The following DMTN variants were observed in gnomAD, a reference collection of about 807,000 sequenced individuals.
The protein encoded by DMTN is dematin actin binding protein.
DMTN carries 27 observed loss-of-function variants against 59.4 expected under a neutral mutation model. That is an observed-to-expected ratio of 0.45 (90% CI 0.33 to 0.63). The LOEUF (loss-of-function observed/expected upper bound fraction) is 0.63. DMTN is among the 20% of genes least tolerant of loss of function. DMTN has a pLI of 0.02. For missense variants in DMTN, 451 were observed against 528.9 expected (o/e 0.85, Z 1.45); for synonymous variants, 221 against 203.7 (o/e 1.08, Z -0.72).
At chr8:22,066,312 G>A (rs1448218480) in intron 1 of DMTN, among the ~76,000 whole-genome samples, 4 of 152,200 alleles carry the variant, frequency 2.6e-5, no homozygotes, top group African/African-American at 9.6e-5. Context: ...GGAACCCTCT[G>A]TGTTAACCCT....
intron 13 of DMTN, 27 bp downstream of exon 13, chr8:22,080,652 C>A (rs375878063): frequency 3.4e-4 from 542 of 1,597,418 alleles, no homozygotes; most frequent in Non-Finnish European, 4.4e-4. Context: ...GGGGAACAGG[C>A]AGAGCAGCAG....
chr8:22,068,998 C>A lies in DMTN; in HGVS notation c.250-18C>A, dbSNP rs112607121. 3,532 of 1,612,090 alleles carry A rather than the reference C, an allele frequency of 2.2e-3. 73 individuals carry two copies. In the African/African-American group the frequency reaches 0.043, roughly 20 times the overall value. ...AATCTGCCCCTGTAGCTCTGACCAG[C>A]CCCCTCTCCATTCACAGCGCTCGCT... is the stretch of plus-strand genomic sequence containing the variant. On this transcript the variant is annotated intron_variant, in intron 4 of 15. Coordinates refer to ENST00000358242, the MANE Select transcript of DMTN (RefSeq NM_001387751.1).
upstream of DMTN, among the ~76,000 whole-genome samples, chr8:22,051,659 C>A (rs1187029393): frequency 6.6e-6 from 1 of 152,210 alleles, no homozygotes; most frequent in African/African-American, 2.4e-5. Context: ...AGCTGCCCCT[C>A]TGAGCAACCT....
At position 22,059,279 on chromosome 8, in the gene DMTN, G is replaced by A. The variant is rs1804567356; in HGVS notation, c.-172+2143G>A. On this transcript the variant is annotated intron_variant, in intron 1 of 15. Coordinates refer to ENST00000358242, the MANE Select transcript of DMTN (RefSeq NM_001387751.1). ...GGCAGTCGCACTGTGAACAGAACAGGAGAAGGCGAAGCGGGGCAAAGTTCC... is the reference window on the plus strand; with the variant it reads ...GGCAGTCGCACTGTGAACAGAACAGAAGAAGGCGAAGCGGGGCAAAGTTCC... The A allele has an allele frequency of 2.6e-5, 4 of 152,396 alleles. No homozygotes were observed. The South Asian group carries it at 8.3e-4, about 32-fold the overall frequency. The allele number at this position is 152,396 out of a possible 1,614,324, so 9.4% of individuals were successfully genotyped here.
At chr8:22,049,062 C>A (rs1473036601), upstream of DMTN, 3 of 142,188 alleles carry the variant, frequency 2.1e-5, no homozygotes, top group East Asian at 6.0e-4. Context: ...AAACCCGAGC[C>A]CCCGGAGGGG....
rs955586514 is a variant in DMTN at position 22,056,895 on chromosome 8, C to G, written c.-413C>G. The G allele has an allele frequency of 3.4e-5, 5 of 149,028 alleles. No homozygotes were observed. The highest frequency in any genetic ancestry group is 1.2e-4 in the African/African-American group (5 of 40,886). 9.2% of individuals were successfully genotyped at this position (149,028 alleles called of 1,614,324 possible). On this transcript the variant is annotated 5_prime_UTR_variant, in exon 1 of 16. Coordinates refer to ENST00000358242, the MANE Select transcript of DMTN (RefSeq NM_001387751.1). The stretch of plus-strand genomic sequence containing the variant: ...GGGTGGGGGCAAGGAGGGTGGGGGC[C>G]CAGAGGGGAGATCAGACCGCTCAGC...
At position 22,081,591 on chromosome 8, in the gene DMTN, C is replaced by A; in HGVS notation, c.*128C>A. Reference sequence around the variant, plus strand: ...TCCTTTCCTCAGGTAGAGTGGGGGGCCAAAACCTCTGCAGTCCCCGGCAGT... The same window carrying A: ...TCCTTTCCTCAGGTAGAGTGGGGGGACAAAACCTCTGCAGTCCCCGGCAGT... On this transcript the variant is annotated 3_prime_UTR_variant, in exon 16 of 16. Coordinates refer to ENST00000358242, the MANE Select transcript of DMTN (RefSeq NM_001387751.1). 2 of 755,054 alleles carry A rather than the reference C, an allele frequency of 2.6e-6. No individual in the cohort carries two copies. Among genetic ancestry groups the A allele is most frequent in the Non-Finnish European group, 2.2e-6 (1 of 444,642 alleles). The allele number at this position is 755,054 out of a possible 1,614,324, so 46.8% of individuals were successfully genotyped here. A position where few individuals can be genotyped will look rare whatever the true frequency, so the allele number is the denominator to read the frequency against.
chr8:22,074,070 T>G (rs1430143311), intron 10 of DMTN, among the ~76,000 whole-genome samples: 4 of 152,250 alleles, frequency 2.6e-5, no homozygotes, highest in Admixed American at 6.5e-5. Context: ...GCGTTTACCA[T>G]GTGCTAGGCA....
rs543293615 is a variant in DMTN, at chr8:22,062,035, C to G, written c.-171-4670C>G. 9.2e-5 allele frequency among the ~76,000 whole-genome samples: 14 copies of G among 152,288 alleles called. No homozygotes were observed. In the East Asian group the frequency reaches 2.7e-3, roughly 29 times the overall value. On this transcript the variant is annotated intron_variant, in intron 1 of 15. Coordinates refer to ENST00000358242, the MANE Select transcript of DMTN (RefSeq NM_001387751.1). ...GCCCCCGAAGTGTTGGGATTACAGGCATAAGCCTCTGTACCTGGCCACCAT... is the reference window on the plus strand; with the variant it reads ...GCCCCCGAAGTGTTGGGATTACAGGGATAAGCCTCTGTACCTGGCCACCAT...
intron 4 of DMTN, 89 bp from the exon 5 acceptor site, chr8:22,068,927 G>A: frequency 6.9e-7 from 1 of 1,456,840 alleles, no homozygotes; most frequent in Non-Finnish European, 9.6e-7. Flanking sequence ...GTGCGGCTTT[G>A]GGTGGGGGAT....
intron 4 of DMTN, among the ~76,000 whole-genome samples, chr8:22,068,075 T>C (rs891075101): frequency 2.6e-5 from 4 of 151,974 alleles, no homozygotes; most frequent in African/African-American, 9.7e-5. Context: ...ACGCGCAAGG[T>C]AGTGAAGGTG....
intron 10 of DMTN, among the ~76,000 whole-genome samples, chr8:22,074,442 T>A (rs904049266): frequency 6.6e-6 from 1 of 152,150 alleles, no homozygotes; most frequent in African/African-American, 2.4e-5. Context: ...CCTGGCCAAT[T>A]TTTAAAATTT....
chr8:22,079,302 T>TATGTATATATATA (rs1491109949), intron 10 of DMTN, among the ~76,000 whole-genome samples: 223 of 15,446 alleles, frequency 0.014, 1 homozygote, highest in Non-Finnish European at 0.031. Flanking sequence ...ATATATATAT[T>TATGTATATATATA]AGCTGGGTTT....
At chr8:22,066,933 G>T in intron 2 of DMTN, 40 bp downstream of exon 2, 1 of 1,238,354 alleles carries the variant, frequency 8.1e-7, no homozygotes, top group Non-Finnish European at 1.0e-6. Context: ...CCGAGGGCGG[G>T]TGGGGGCCGC....
upstream of DMTN, among the ~76,000 whole-genome samples, chr8:22,050,234 C>T (rs549046130): frequency 1.9e-4 from 29 of 152,172 alleles, no homozygotes; most frequent in Admixed American, 1.8e-3. Context: ...ACGGGGGCAA[C>T]ACCCAGCAAT....
At position 22,070,165 on chromosome 8, in the gene DMTN, C is replaced by T; in HGVS notation, c.452-17C>T. The T allele has an allele frequency of 6.4e-7, 1 of 1,571,736 alleles. No individual in the cohort carries two copies. Among genetic ancestry groups the T allele is most frequent in the Admixed American group, 1.8e-5 (1 of 55,712 alleles). ...TCGGGCAGGGCACACCTGGCTGACC[C>T]TGGCCTTTGTCTGCAGAGTCCGTGG... is the stretch of plus-strand genomic sequence containing the variant. On this transcript the variant is annotated splice_polypyrimidine_tract_variant and intron_variant, in intron 7 of 15. Transcript: ENST00000358242.
At position 22,082,359 on chromosome 8, in the gene DMTN, C is replaced by G. The variant is rs1329726421; in HGVS notation, c.*896C>G. On this transcript the variant is annotated 3_prime_UTR_variant, in exon 16 of 16. Transcript: ENST00000358242. ...CTGCCCCTGCCCTACCTTACACCCC[C>G]AGCTTGACTTCTTTCCAGTCCACGT... 3.6e-5 allele frequency: 14 copies of G among 393,492 alleles called. No homozygotes were observed. The Admixed American group carries it at 4.2e-4, about 12-fold the overall frequency. The allele number at this position is 393,492 out of a possible 1,614,324, so 24.4% of individuals were successfully genotyped here. A position where few individuals can be genotyped will look rare whatever the true frequency, so the allele number is the denominator to read the frequency against.
At position 22,066,819 on chromosome 8, in the gene DMTN, C is replaced by T. The variant is rs922363801; in HGVS notation, c.-57C>T. 1 of 1,423,090 alleles carries T rather than the reference C, an allele frequency of 7.0e-7. No homozygotes were observed. Among genetic ancestry groups the T allele is most frequent in the Non-Finnish European group, 9.2e-7 (1 of 1,086,254 alleles). The allele number at this position is 1,423,090 out of a possible 1,614,324, so 88.2% of individuals were successfully genotyped here. A position where few individuals can be genotyped will look rare whatever the true frequency, so the allele number is the denominator to read the frequency against. ...AGCCGCGCCGAGCCTGACACGCTGT[C>T]CTCTCCCCTCGCGCACAGGGCTCTG... On this transcript the variant is annotated 5_prime_UTR_variant, in exon 2 of 16. Coordinates refer to ENST00000358242, the MANE Select transcript of DMTN (RefSeq NM_001387751.1).
At chr8:22,078,378 TATATATATACATATATACATATATTC>T (rs1007147847) in intron 10 of DMTN, among the ~76,000 whole-genome samples, 9 of 150,102 alleles carry the variant, frequency 6.0e-5, no homozygotes, top group Non-Finnish European at 1.3e-4. Context: ...AAACAAAAAA[TATATATATACATATATACATATATTC>T]ATATATATGT....
Sources: allele counts gnomAD v4.1 joint callset (sites outside exome capture counted in the v4.1 genomes callset), GRCh38; gene constraint gnomAD v4.1.1; transcripts MANE v1.5; gene names NCBI Gene and HGNC (gene_info 2026-07-23, HGNC 2026-07-21).